Variants in CELF2 observed in about 807,000 individuals in gnomAD.
The protein encoded by CELF2 is CUGBP Elav-like family member 2.
Under a neutral mutation model 62.6 loss-of-function variants are expected in CELF2, and 8 were observed. The ratio of observed to expected loss-of-function variants is 0.13; its 90% CI spans 0.07 to 0.23. The LOEUF (loss-of-function observed/expected upper bound fraction) is 0.23, where lower values mean the gene tolerates loss of function less well. CELF2 is among the 10% of genes least tolerant of loss of function. The pLI, the probability that CELF2 is intolerant of heterozygous loss-of-function variation, is 1.00. For missense variants in CELF2, 333 were observed against 671.0 expected, an observed-to-expected ratio of 0.50 and a Z score of 5.56; for synonymous variants, 258 against 250.0, an observed-to-expected ratio of 1.03 and a Z score of -0.30.
At chr10:10,709,404 T>C in the CELF2 span, among the ~76,000 whole-genome samples, 1 of 152,222 alleles carries the variant, frequency 6.6e-6, no homozygotes, top group African/African-American at 2.4e-5. Context: ...GTTTTTGTTG[T>C]TATTTTTTAA....
intron 1 of CELF2, among the ~76,000 whole-genome samples, chr10:11,076,461 T>C (rs2071971791): frequency 6.6e-6 from 1 of 152,192 alleles, no homozygotes; most frequent in Non-Finnish European, 1.5e-5. Context: ...CACAGCTTGC[T>C]TTAATATCTG....
chr10:10,579,748 A>C, the CELF2 span, among the ~76,000 whole-genome samples: 1 of 152,112 alleles, frequency 6.6e-6, no homozygotes, highest in African/African-American at 2.4e-5. Flanking sequence ...TCCTCTAGGA[A>C]ATATTAACTA....
upstream of CELF2, among the ~76,000 whole-genome samples, chr10:11,004,676 C>T (rs552538615): frequency 6.6e-6 from 1 of 152,248 alleles, no homozygotes; most frequent in East Asian, 1.9e-4. The surrounding 1 kb of genome is among the most constrained non-coding windows in gnomAD (Gnocchi z 5.0). Context: ...AGATACCCTC[C>T]TCCAGGTGAA....
intron 1 of CELF2, among the ~76,000 whole-genome samples, chr10:11,086,590 A>AAAAAC (rs1447040283): frequency 7.7e-6 from 1 of 130,104 alleles, no homozygotes; most frequent in Non-Finnish European, 1.6e-5. Flanking sequence ...AAAAAAAAAA[A>AAAAAC]AAAAAAAAAA....
At chr10:10,501,945 A>G in the CELF2 span, among the ~76,000 whole-genome samples, 1 of 151,910 alleles carries the variant, frequency 6.6e-6, no homozygotes, top group Non-Finnish European at 1.5e-5. Flanking sequence ...GTTGCCCCCT[A>G]TTCCTGTTTC....
At chr10:10,625,331 T>A in the CELF2 span, among the ~76,000 whole-genome samples, 1 of 152,190 alleles carries the variant, frequency 6.6e-6, no homozygotes, top group Admixed American at 6.5e-5. Flanking sequence ...TCACTGACCT[T>A]GTACTACGGG....
intron 1 of CELF2, among the ~76,000 whole-genome samples, chr10:11,088,992 G>T (rs945950425): frequency 3.3e-5 from 5 of 152,222 alleles, no homozygotes; most frequent in Non-Finnish European, 7.3e-5. Context: ...CGGCTGCTGG[G>T]TTTGAGAGAG....
At chr10:11,218,705 G>C (rs554300657) in intron 3 of CELF2, among the ~76,000 whole-genome samples, 2 of 152,346 alleles carry the variant, frequency 1.3e-5, no homozygotes, top group South Asian at 2.1e-4. Flanking sequence ...TCCCACAATG[G>C]TCCTGCCCAG....
chr10:10,725,196 T>C, the CELF2 span, among the ~76,000 whole-genome samples: 1 of 152,234 alleles, frequency 6.6e-6, no homozygotes, highest in South Asian at 2.1e-4. Flanking sequence ...TGTTTGTTTT[T>C]GGATACAAGT....
chr10:11,042,334 G>GGTGGAAATGAGA (rs2061985866), intron 1 of CELF2, among the ~76,000 whole-genome samples: 2 of 152,202 alleles, frequency 1.3e-5, no homozygotes, highest in Non-Finnish European at 2.9e-5. Context: ...TCAGAGCAAA[G>GGTGGAAATGAGA]GTGGAAATGA....
the CELF2 span, among the ~76,000 whole-genome samples, chr10:10,629,950 T>C: frequency 6.7e-6 from 1 of 149,638 alleles, no homozygotes; most frequent in Admixed American, 6.7e-5. Flanking sequence ...CCTAAAGGAG[T>C]TTTACCTGAT....
the CELF2 span, among the ~76,000 whole-genome samples, chr10:10,613,493 CT>C: frequency 3.9e-5 from 6 of 152,274 alleles, no homozygotes; most frequent in East Asian, 9.6e-4. Flanking sequence ...TAAGAGAATG[CT>C]TCTGACATTT....
rs200057597 is a variant in CELF2 at position 11,065,870 on chromosome 10, G to GGT, written c.74+47708_74+47709dup. On this transcript the variant is annotated intron_variant, in intron 1 of 12. Coordinates refer to ENST00000633077, the MANE Select transcript of CELF2 (RefSeq NM_001326342.2). ...CGGGGAGGGTTGCAGTTTTAAATAG[G>GGT]GTATCAGGGTAGGCTTTCTCCGGAA... Among the ~76,000 whole-genome samples the GGT allele has an allele frequency of 5.5e-3, 837 of 152,200 alleles. 2 individuals are homozygous for GGT. Among genetic ancestry groups the GGT allele is most frequent in the South Asian group, 0.012 (59 of 4,814 alleles).
intron 2 of CELF2, among the ~76,000 whole-genome samples, chr10:11,184,938 A>G (rs896616651): frequency 6.6e-6 from 1 of 152,208 alleles, no homozygotes; most frequent in Admixed American, 6.5e-5. Context: ...GTGAGAGCAG[A>G]CATTATTATC....
At chr10:10,667,682 G>A in the CELF2 span, among the ~76,000 whole-genome samples, 1 of 152,144 alleles carries the variant, frequency 6.6e-6, no homozygotes, top group African/African-American at 2.4e-5. Flanking sequence ...TTTTGCAAAG[G>A]TGCCTCTCTG....
chr10:10,738,151 C>T, the CELF2 span, among the ~76,000 whole-genome samples: 1 of 152,136 alleles, frequency 6.6e-6, no homozygotes, highest in African/African-American at 2.4e-5. Flanking sequence ...TTCACTTTTG[C>T]TTTTTATCCT....
intron 2 of CELF2, among the ~76,000 whole-genome samples, chr10:11,209,332 C>T (rs117464984): frequency 6.7e-4 from 102 of 152,046 alleles, no homozygotes; most frequent in Admixed American, 1.4e-3. Context: ...CAGGAATTCA[C>T]ACCAACGGGC....
chr10:10,583,296 TTA>T, the CELF2 span, among the ~76,000 whole-genome samples: 1 of 152,164 alleles, frequency 6.6e-6, no homozygotes, highest in Non-Finnish European at 1.5e-5. Flanking sequence ...TTGTCCTTCT[TTA>T]TGTCTATGTG....
At chr10:11,035,950 G>A (rs892874712) in intron 1 of CELF2, among the ~76,000 whole-genome samples, 1 of 152,238 alleles carries the variant, frequency 6.6e-6, no homozygotes, top group South Asian at 2.1e-4. Context: ...TGACCAACAA[G>A]CAAAGCAATG....
Sources: allele counts gnomAD v4.1 joint callset (sites outside exome capture counted in the v4.1 genomes callset), GRCh38; gene constraint gnomAD v4.1.1; non-coding constraint Gnocchi (gnomAD v3.1); transcripts MANE v1.5; gene names NCBI Gene and HGNC (gene_info 2026-07-23, HGNC 2026-07-21).